ATXN1: variants seen among roughly 807,000 people sequenced by gnomAD.
ATXN1 encodes the protein ataxin 1, also known as ataxin-1.
In ATXN1, 8 loss-of-function variants were observed where a neutral mutation model predicts 56.4. The ratio of observed to expected loss-of-function variants is 0.14; its 90% CI spans 0.08 to 0.26. ATXN1 has a LOEUF of 0.26. Ranked by LOEUF, ATXN1 falls within the 10% of genes least tolerant of loss-of-function variation. The pLI, the probability that ATXN1 is intolerant of heterozygous loss-of-function variation, is 1.00. For synonymous variants in ATXN1, 514 were observed against 494.6 expected (o/e 1.04, Z -0.52); for missense variants, 987 against 1,106.5 (o/e 0.89, Z 1.53).
At chr6:16,738,329 T>A (rs1760208391) in intron 2 of ATXN1, 1 of 152,220 alleles carries the variant, frequency 6.6e-6, no homozygotes, top group Non-Finnish European at 1.5e-5. Flanking sequence ...TAACACTGGC[T>A]ATTAGCTTTC....
intron 2 of ATXN1, among the ~76,000 whole-genome samples, chr6:16,676,877 T>C (rs984980372): frequency 1.4e-4 from 21 of 152,314 alleles, no homozygotes; most frequent in African/African-American, 4.8e-4. Flanking sequence ...ACTTTTTTTT[T>C]TTCTATTCCA....
In ATXN1 at chr6:16,533,080, T is replaced by C. The variant is rs77023672; in HGVS notation, c.-360-10392A>G. ...GGAGATTCTGACACATGCTACAACA[T>C]GGATATGCAGTTTTGCTTTGGGAAG... On this transcript the variant is annotated intron_variant, in intron 4 of 7. Transcript: ENST00000436367. Among the ~76,000 whole-genome samples, 47 of 152,338 alleles carry C rather than the reference T, an allele frequency of 3.1e-4. No homozygotes were observed. In the East Asian group the frequency reaches 8.9e-3, roughly 29 times the overall value.
At chr6:16,754,095 T>A (rs780521198) in intron 1 of ATXN1, 2 of 152,222 alleles carry the variant, frequency 1.3e-5, no homozygotes, top group African/African-American at 2.4e-5. Context: ...GTAAAACCTA[T>A]GCATAGAAAC....
At chr6:16,437,314 G>A (rs567483099) in intron 6 of ATXN1, among the ~76,000 whole-genome samples, 21 of 152,334 alleles carry the variant, frequency 1.4e-4, no homozygotes, top group Admixed American at 1.1e-3. Context: ...GTGGGAGTGC[G>A]TATCAGCACC....
intron 3 of ATXN1, among the ~76,000 whole-genome samples, chr6:16,597,888 G>C (rs2113777317): frequency 6.6e-6 from 1 of 152,184 alleles, no homozygotes; most frequent in Non-Finnish European, 1.5e-5. Flanking sequence ...AAAGGCAGCT[G>C]AGTCCTACAA....
In ATXN1 at chr6:16,676,701, C is replaced by T. The variant is rs532886765; in HGVS notation, c.-614-18800G>A. On this transcript the variant is annotated intron_variant, in intron 2 of 7. Transcript: ENST00000436367. Reference sequence around the variant, plus strand: ...AAAATTGGGTTTCCTATCCTGATTCCCAACTCACAAATTAAAGTTTCGGTT... The same window carrying T: ...AAAATTGGGTTTCCTATCCTGATTCTCAACTCACAAATTAAAGTTTCGGTT... 1.1e-4 allele frequency among the ~76,000 whole-genome samples: 17 copies of T among 152,238 alleles called. 1 individual carries two copies. In the East Asian group the frequency reaches 2.9e-3, roughly 26 times the overall value.
intron 3 of ATXN1, among the ~76,000 whole-genome samples, chr6:16,607,247 C>T (rs866297900): frequency 3.1e-4 from 47 of 152,312 alleles, no homozygotes; most frequent in Middle Eastern, 6.8e-3. Flanking sequence ...TATACCCTCT[C>T]TAAGCCTCAG....
chr6:16,369,638 G>T (rs893650669), intron 6 of ATXN1, among the ~76,000 whole-genome samples: 59 of 152,302 alleles, frequency 3.9e-4, no homozygotes, highest in African/African-American at 1.3e-3. Flanking sequence ...TGTGCAAAGG[G>T]TATAAGTCTT....
intron 6 of ATXN1, among the ~76,000 whole-genome samples, chr6:16,329,425 C>T (rs1236440425): frequency 6.6e-6 from 1 of 152,186 alleles, no homozygotes; most frequent in Non-Finnish European, 1.5e-5. Context: ...CACACACACA[C>T]GCCAACTCAG....
chr6:16,644,298 C>A (rs966901982), intron 3 of ATXN1, among the ~76,000 whole-genome samples: 6 of 152,074 alleles, frequency 3.9e-5, no homozygotes, highest in Non-Finnish European at 5.9e-5. Context: ...GGGCAGATCA[C>A]GAGGTCAAGA....
intron 7 of ATXN1, among the ~76,000 whole-genome samples, chr6:16,320,401 G>C (rs959145325): frequency 6.6e-6 from 1 of 151,020 alleles, no homozygotes; most frequent in African/African-American, 2.5e-5. Context: ...CAGTCACCTC[G>C]GGAGGCGCTG....
intron 6 of ATXN1, among the ~76,000 whole-genome samples, chr6:16,399,961 C>T (rs1346946310): frequency 6.6e-5 from 10 of 152,180 alleles, no homozygotes; most frequent in Non-Finnish European, 1.5e-4. Flanking sequence ...GTTTCCTTGA[C>T]CTAAACGCTA....
At chr6:16,557,039 G>A (rs945582349) in intron 4 of ATXN1, among the ~76,000 whole-genome samples, 1 of 152,082 alleles carries the variant, frequency 6.6e-6, no homozygotes, top group East Asian at 1.9e-4. Context: ...TCTACATAAA[G>A]AGGGCTGGGT....
intron 5 of ATXN1, among the ~76,000 whole-genome samples, chr6:16,495,092 T>G (rs1396107017): frequency 6.6e-6 from 1 of 152,226 alleles, no homozygotes; most frequent in Admixed American, 6.5e-5. Context: ...AGCCTGTGCC[T>G]CATGCTTTGA....
intron 6 of ATXN1, among the ~76,000 whole-genome samples, chr6:16,393,525 A>T (rs1468756379): frequency 2.0e-5 from 3 of 152,208 alleles, no homozygotes; most frequent in African/African-American, 7.2e-5. Flanking sequence ...GTGAACCATC[A>T]TGATGGTTCA....
intron 6 of ATXN1, among the ~76,000 whole-genome samples, chr6:16,451,866 A>G (rs906756868): frequency 2.0e-5 from 3 of 152,166 alleles, no homozygotes; most frequent in African/African-American, 7.2e-5. Flanking sequence ...TCACAAAAAC[A>G]AGTTGTTTAA....
At chr6:16,683,328 A>T (rs1339411197) in intron 2 of ATXN1, among the ~76,000 whole-genome samples, 1 of 152,190 alleles carries the variant, frequency 6.6e-6, no homozygotes, top group Non-Finnish European at 1.5e-5. Context: ...GACAGCCCTG[A>T]GCTTCTCCAT....
intron 2 of ATXN1, among the ~76,000 whole-genome samples, chr6:16,743,026 A>T (rs1020721892): frequency 3.3e-5 from 5 of 152,260 alleles, no homozygotes; most frequent in Admixed American, 1.3e-4. Flanking sequence ...CAGAAAACAG[A>T]TGTTAAGAAC....
intron 6 of ATXN1, among the ~76,000 whole-genome samples, chr6:16,405,120 T>C (rs902504011): frequency 2.0e-5 from 3 of 152,200 alleles, no homozygotes; most frequent in East Asian, 1.9e-4. Context: ...GAGTTTGATA[T>C]GAACATTAAG....
Sources: gnomAD v4.1 joint callset for allele counts (sites outside exome capture counted in the v4.1 genomes callset) on GRCh38, gnomAD v4.1.1 for gene constraint, MANE v1.5 for transcripts, NCBI Gene and HGNC (gene_info 2026-07-23, HGNC 2026-07-21) for gene names.